HMGA2: variants seen among roughly 807,000 people sequenced by gnomAD.
The protein encoded by HMGA2 is high mobility group AT-hook 2, also known as high mobility group protein HMGI-C.
A neutral mutation model predicts 19.1 loss-of-function variants in HMGA2; 8 were observed. That is an observed-to-expected ratio of 0.42 (90% confidence interval 0.25 to 0.76). HMGA2 has a LOEUF of 0.76. HMGA2 is among the 30% of genes least tolerant of loss of function. HMGA2 has a pLI of 0.28. For missense variants in HMGA2, 109 were observed against 136.3 expected, an observed-to-expected ratio of 0.80 and a Z score of 1.00; for synonymous variants, 60 against 48.8, an observed-to-expected ratio of 1.23 and a Z score of -0.96.
At chr12:65,939,316 A>G (rs1876003994) in intron 3 of HMGA2, among the ~76,000 whole-genome samples, 1 of 152,034 alleles carries the variant, frequency 6.6e-6, no homozygotes, top group Non-Finnish European at 1.5e-5. Context: ...GTAAATATGT[A>G]TAAATATTAT....
intron 3 of HMGA2, among the ~76,000 whole-genome samples, chr12:65,838,940 T>C (rs1232391055): frequency 6.6e-6 from 1 of 151,838 alleles, no homozygotes; most frequent in Non-Finnish European, 1.5e-5. Context: ...TCATACACAA[T>C]GTGTATGTGA....
intron 3 of HMGA2, among the ~76,000 whole-genome samples, chr12:65,903,736 T>C (rs1003532675): frequency 6.6e-6 from 1 of 152,236 alleles, no homozygotes; most frequent in Non-Finnish European, 1.5e-5. Context: ...TGCTTCTTCA[T>C]TCTGAGGAAG....
At chr12:65,839,966 C>T (rs896606541) in intron 3 of HMGA2, among the ~76,000 whole-genome samples, 6 of 152,134 alleles carry the variant, frequency 3.9e-5, no homozygotes, top group African/African-American at 1.4e-4. Context: ...GCCCTGCAAA[C>T]GGTTGAGGGC....
chr12:65,952,565 A>C, intron 4 of HMGA2: 1 of 1,328,548 alleles, frequency 7.5e-7, no homozygotes, highest in Non-Finnish European at 9.8e-7. Flanking sequence ...CCATACCTAA[A>C]AGCTAAGAGT....
chr12:65,958,006 T>C (rs1876649015), intron 4 of HMGA2: 1 of 152,226 alleles, frequency 6.6e-6, no homozygotes, highest in Admixed American at 6.5e-5. Context: ...TTTACGTTTT[T>C]CAGGGTTTCC....
At chr12:65,927,372 G>A (rs1190085221) in intron 3 of HMGA2, among the ~76,000 whole-genome samples, 1 of 152,158 alleles carries the variant, frequency 6.6e-6, no homozygotes, top group African/African-American at 2.4e-5. Context: ...CTTTAACAAA[G>A]GCTACGTGTG....
chr12:65,917,730 G>T (rs543013756), intron 3 of HMGA2, among the ~76,000 whole-genome samples: 1 of 152,292 alleles, frequency 6.6e-6, no homozygotes, highest in South Asian at 2.1e-4. Flanking sequence ...GTGTGCAGTT[G>T]TGGAGCCCTA....
intron 3 of HMGA2, among the ~76,000 whole-genome samples, chr12:65,939,430 A>G (rs1876010103): frequency 6.6e-6 from 1 of 151,468 alleles, no homozygotes; most frequent in Non-Finnish European, 1.5e-5. Flanking sequence ...ATCTCGGCTC[A>G]CTGCAACCTC....
intron 3 of HMGA2, among the ~76,000 whole-genome samples, chr12:65,918,428 TTTAA>T (rs1439467213): frequency 6.6e-6 from 1 of 152,184 alleles, no homozygotes; most frequent in African/African-American, 2.4e-5. Flanking sequence ...GGTGGTGGCG[TTTAA>T]TTAATTTTGA....
intron 3 of HMGA2, chr12:65,842,298 T>C (rs982252870): frequency 3.0e-5 from 18 of 595,106 alleles, no homozygotes; most frequent in Non-Finnish European, 5.3e-5. Context: ...AGATAATGCA[T>C]GCAAAGGGCT....
chr12:65,865,248 T>A (rs576625865), intron 3 of HMGA2, among the ~76,000 whole-genome samples: 1 of 152,306 alleles, frequency 6.6e-6, no homozygotes, highest in East Asian at 1.9e-4. Flanking sequence ...CTATTAGCAG[T>A]TAAGTTTTGT....
In HMGA2 at chr12:65,838,543, C is replaced by T; in HGVS notation, c.223C>T (p.Arg75Trp). 2 of 1,611,862 alleles carry T rather than the reference C, an allele frequency of 1.2e-6. No homozygotes were observed. The highest frequency in any genetic ancestry group is 1.7e-6 in the Non-Finnish European group (2 of 1,178,458). ...QKKAEATGEK[R>W]PRGRPRKWPQ... ...GAAAGCAGAAGCCACTGGAGAAAAA[C>T]GGCCAAGAGGCAGACCTAGGAAATG... The change falls in exon 3 of 5, where the codon CGG becomes TGG. Residue 75 changes from arginine (R) to tryptophan (W), a missense_variant. Coordinates refer to ENST00000403681, the MANE Select transcript of HMGA2 (RefSeq NM_003483.6).
At chr12:65,943,792 G>A (rs559782617) in intron 3 of HMGA2, among the ~76,000 whole-genome samples, 1 of 152,212 alleles carries the variant, frequency 6.6e-6, no homozygotes, top group East Asian at 1.9e-4. Context: ...AGCTACATGT[G>A]TACACACATT....
chr12:65,913,071 C>G (rs1296337731), intron 3 of HMGA2, among the ~76,000 whole-genome samples: 1 of 152,166 alleles, frequency 6.6e-6, no homozygotes, highest in Non-Finnish European at 1.5e-5. Flanking sequence ...TTCACAAGCA[C>G]AGTTACACTA....
At chr12:65,872,588 A>G (rs1872766131) in intron 3 of HMGA2, among the ~76,000 whole-genome samples, 1 of 151,978 alleles carries the variant, frequency 6.6e-6, no homozygotes, top group South Asian at 2.1e-4. Context: ...TCTGCCATTT[A>G]TTACTCCTAA....
At chr12:65,914,594 G>T (rs923042761) in intron 3 of HMGA2, 1 of 247,140 alleles carries the variant, frequency 4.0e-6, no homozygotes, top group African/African-American at 2.2e-5. Context: ...GTATACATAT[G>T]TAACTAACCT....
At chr12:65,960,320 C>T (rs2121328148) in intron 4 of HMGA2, among the ~76,000 whole-genome samples, 1 of 152,306 alleles carries the variant, frequency 6.6e-6, no homozygotes, top group South Asian at 2.1e-4. Flanking sequence ...TGTTTCTGTT[C>T]CCTCTTTGCA....
At chr12:65,850,532 T>A (rs1871416975) in intron 3 of HMGA2, among the ~76,000 whole-genome samples, 1 of 149,598 alleles carries the variant, frequency 6.7e-6, no homozygotes, top group Non-Finnish European at 1.5e-5. Context: ...TTTTTTTTAC[T>A]AAAAAAAAAG....
chr12:65,950,735 A>C (rs1876429143), intron 3 of HMGA2, among the ~76,000 whole-genome samples: 1 of 152,226 alleles, frequency 6.6e-6, no homozygotes, highest in Non-Finnish European at 1.5e-5. Context: ...GGTGTTTTAA[A>C]AAAATAAAAT....
Sources: gnomAD v4.1 joint callset for allele counts (sites outside exome capture counted in the v4.1 genomes callset) on GRCh38, gnomAD v4.1.1 for gene constraint, MANE v1.5 for transcripts, NCBI Gene and HGNC (gene_info 2026-07-23, HGNC 2026-07-21) for gene names.